The following ZBTB20 variants were observed in gnomAD, a reference collection of about 807,000 sequenced individuals.
ZBTB20 encodes the protein zinc finger and BTB domain-containing protein 20.
A neutral mutation model predicts 56.9 loss-of-function variants in ZBTB20; 9 were observed. The ratio of observed to expected loss-of-function variants is 0.16; its 90% confidence interval spans 0.10 to 0.28. The LOEUF is 0.28. Ranked by LOEUF, ZBTB20 falls within the 10% of genes least tolerant of loss-of-function variation. ZBTB20 has a pLI of 1.00. For missense variants in ZBTB20, 655 were observed against 1,003.0 expected, an observed-to-expected ratio of 0.65 and a Z score of 4.69; for synonymous variants, 417 against 420.7, an observed-to-expected ratio of 0.99 and a Z score of 0.11.
At chr3:114,490,931 C>T (rs79194947) in intron 7 of ZBTB20, among the ~76,000 whole-genome samples, 1 of 152,118 alleles carries the variant, frequency 6.6e-6, no homozygotes, top group Non-Finnish European at 1.5e-5. Flanking sequence ...GGAATGACAT[C>T]GGTCTCCTGG....
At chr3:115,021,063 CTTTAACT>C (rs2080183561) in intron 2 of ZBTB20, among the ~76,000 whole-genome samples, 1 of 150,878 alleles carries the variant, frequency 6.6e-6, no homozygotes, top group Non-Finnish European at 1.5e-5. Context: ...TTAGTTACTT[CTTTAACT>C]TTTAATTTAC....
chr3:114,594,251 A>G (rs984473024), intron 6 of ZBTB20, among the ~76,000 whole-genome samples: 39 of 151,570 alleles, frequency 2.6e-4, no homozygotes, highest in Admixed American at 2.4e-3. Flanking sequence ...ACAAGCAAAC[A>G]TAATTTCTCA....
At chr3:114,501,855 C>A (rs938143124) in intron 6 of ZBTB20, among the ~76,000 whole-genome samples, 1 of 151,232 alleles carries the variant, frequency 6.6e-6, no homozygotes, top group Non-Finnish European at 1.5e-5. Context: ...ACTACAGGCA[C>A]GCACCACCAC....
chr3:115,036,666 GC>G (rs1179012931), intron 2 of ZBTB20, among the ~76,000 whole-genome samples: 1 of 152,122 alleles, frequency 6.6e-6, no homozygotes, highest in Non-Finnish European at 1.5e-5. Flanking sequence ...GCCTGCCTCG[GC>G]CTCCCAAAGT....
intron 3 of ZBTB20, among the ~76,000 whole-genome samples, chr3:114,954,147 T>C (rs1044724334): frequency 6.6e-6 from 1 of 152,160 alleles, no homozygotes; most frequent in Non-Finnish European, 1.5e-5. Flanking sequence ...TGTTTAAATA[T>C]TTGTGTAATC....
chr3:114,477,512 T>TTGGGGG (rs2040931713), intron 7 of ZBTB20, among the ~76,000 whole-genome samples: 1 of 149,516 alleles, frequency 6.7e-6, no homozygotes, highest in Admixed American at 6.7e-5. Flanking sequence ...TTTTTTTTTT[T>TTGGGGG]GAGATGGAGT....
At chr3:114,764,957 C>T (rs563815987) in intron 5 of ZBTB20, among the ~76,000 whole-genome samples, 16 of 152,234 alleles carry the variant, frequency 1.1e-4, no homozygotes, top group Middle Eastern at 3.4e-3. Flanking sequence ...CTTTAATACA[C>T]AGTAACACCA....
chr3:114,611,996 TA>T (rs1255268695), intron 6 of ZBTB20, among the ~76,000 whole-genome samples: 4 of 152,228 alleles, frequency 2.6e-5, no homozygotes, highest in Non-Finnish European at 5.9e-5. Flanking sequence ...TAGTCTTCAA[TA>T]ACATGGCTCT....
intron 2 of ZBTB20, among the ~76,000 whole-genome samples, chr3:115,042,083 A>C (rs1461940123): frequency 6.6e-6 from 1 of 152,190 alleles, no homozygotes; most frequent in East Asian, 1.9e-4. Flanking sequence ...CCACCAAGAC[A>C]AACTAAACCA....
At chr3:115,140,490 T>C (rs922665024) in intron 1 of ZBTB20, among the ~76,000 whole-genome samples, 2 of 152,056 alleles carry the variant, frequency 1.3e-5, no homozygotes, top group East Asian at 1.9e-4. Flanking sequence ...CCATTTTCTT[T>C]TGTCTAAAGG....
intron 6 of ZBTB20, among the ~76,000 whole-genome samples, chr3:114,615,481 C>T (rs2057871281): frequency 1.3e-5 from 2 of 152,136 alleles, no homozygotes; most frequent in Non-Finnish European, 2.9e-5. Flanking sequence ...CCTTGCTGCA[C>T]AGGTAAATGT....
At chr3:114,773,437 A>G (rs2069358376) in intron 5 of ZBTB20, among the ~76,000 whole-genome samples, 1 of 152,222 alleles carries the variant, frequency 6.6e-6, no homozygotes, top group South Asian at 2.1e-4. Context: ...ATGAAAAAAG[A>G]AAGTTCTTAA....
chr3:114,483,452 T>C (rs748242100), intron 7 of ZBTB20, among the ~76,000 whole-genome samples: 3 of 151,710 alleles, frequency 2.0e-5, no homozygotes, highest in Non-Finnish European at 4.4e-5. Context: ...GTGAGGGCAG[T>C]ATAGGTACAG....
chr3:114,403,209 T>A (rs2086976638), intron 7 of ZBTB20, among the ~76,000 whole-genome samples: 1 of 152,148 alleles, frequency 6.6e-6, no homozygotes. Flanking sequence ...TTATTGAATG[T>A]CTATTGTCAG....
At position 114,350,636 on chromosome 3, in the gene ZBTB20, T is replaced by G. The variant is rs1352689368; in HGVS notation, c.1442A>C (p.Glu481Ala). The change falls in exon 11 of 12, where the codon GAA becomes GCA. Residue 481 changes from glutamate to alanine, a missense_variant. Around this residue, in one of 10 missense-constraint regions of ZBTB20, gnomAD observed 11 missense variants for 35.8 expected, o/e 0.31. Transcript: ENST00000675478. ...PSTQLYLRQTETLTSNLRMPL... is the reference protein window; with the variant it reads ...PSTQLYLRQTATLTSNLRMPL... ...CATCCTCAGGTTGCTGGTGAGGGTT[T>G]CTGTCTGGCGTAAGTAGAGCTGGGT... 1 of 1,614,192 alleles carries G rather than the reference T, an allele frequency of 6.2e-7. No homozygotes were observed. Among genetic ancestry groups the G allele is most frequent in the East Asian group, 2.2e-5 (1 of 44,880 alleles).
intron 5 of ZBTB20, among the ~76,000 whole-genome samples, chr3:114,776,032 CTTTTTTTTTT>C (rs11324801): frequency 1.5e-5 from 2 of 135,548 alleles, no homozygotes; most frequent in Admixed American, 1.5e-4. Flanking sequence ...AATTTTTTTT[CTTTTTTTTTT>C]TTTTTTTACT....
At chr3:114,343,922 G>A (rs2079987613) in intron 11 of ZBTB20, among the ~76,000 whole-genome samples, 2 of 152,122 alleles carry the variant, frequency 1.3e-5, no homozygotes, top group South Asian at 2.1e-4. Context: ...GGTGGTGGGC[G>A]CCTGTAATCC....
chr3:114,517,056 T>C (rs1012454491), intron 6 of ZBTB20, among the ~76,000 whole-genome samples: 20 of 152,348 alleles, frequency 1.3e-4, no homozygotes, highest in African/African-American at 4.3e-4. Context: ...GCCTACTATG[T>C]GCTAGGAACT....
intron 3 of ZBTB20, among the ~76,000 whole-genome samples, chr3:114,915,365 T>C (rs1298466006): frequency 1.3e-5 from 2 of 151,970 alleles, no homozygotes; most frequent in Non-Finnish European, 2.9e-5. Flanking sequence ...GTATTAATAG[T>C]TGCTTATAGT....
Sources: allele counts gnomAD v4.1 joint callset (sites outside exome capture counted in the v4.1 genomes callset), GRCh38; gene constraint gnomAD v4.1.1; regional missense constraint gnomAD v4.1.1; transcripts MANE v1.5; gene names NCBI Gene and HGNC (gene_info 2026-07-23, HGNC 2026-07-21).